TBC1D8B: variants seen among roughly 807,000 people sequenced by gnomAD.
TBC1D8B encodes the protein RP11-321G1.1.
TBC1D8B carries 75 observed loss-of-function variants against 82.9 expected under a neutral mutation model. The ratio of observed to expected loss-of-function variants is 0.90; its 90% CI spans 0.75 to 1.10. TBC1D8B has a LOEUF of 1.10. Ranked by LOEUF, TBC1D8B falls within the 50% of genes least tolerant of loss-of-function variation. TBC1D8B has a pLI of 0.00. For missense variants in TBC1D8B, 794 were observed against 796.9 expected, an observed-to-expected ratio of 1.00 and a Z score of 0.04; for synonymous variants, 276 against 276.8, an observed-to-expected ratio of 1.00 and a Z score of 0.03.
In TBC1D8B at chrX:106,840,774, C is replaced by T. The variant is rs1322282118; in HGVS notation, c.1609C>T (p.Arg537Cys). 3.3e-6 allele frequency: 4 copies of T among 1,209,096 alleles called. No individual in the cohort carries two copies. Among genetic ancestry groups the T allele is most frequent in the Admixed American group, 2.2e-5 (1 of 45,674 alleles). ...LATEEIERDL[R>C]RSLPEHPAFQ... ...TACTGAAGAAATTGAACGTGATTTA[C>T]GTCGCTCTCTGCCTGAGCACCCAGC... The change falls in exon 10 of 21, where the codon CGT (arginine) becomes TGT (cysteine). Residue 537 changes from arginine to cysteine, a missense_variant. By Grantham distance (180) the Arg-to-Cys change is radical (BLOSUM62 -3). Coordinates refer to ENST00000357242, the MANE Select transcript of TBC1D8B (RefSeq NM_017752.3).
At chrX:106,832,103 T>G (rs1602418382) in intron 7 of TBC1D8B, among the ~76,000 whole-genome samples, 1 of 111,378 alleles carries the variant, frequency 9.0e-6, no homozygotes, top group African/African-American at 3.2e-5. Flanking sequence ...ATAAACCTGG[T>G]GACTTTTGTA....
intron 1 of TBC1D8B, among the ~76,000 whole-genome samples, chrX:106,810,622 A>G (rs1454417906): frequency 8.9e-6 from 1 of 112,035 alleles, no homozygotes; most frequent in Non-Finnish European, 1.9e-5. Flanking sequence ...AGCCAGAACA[A>G]TTAAGTAAGA....
chrX:106,802,934 G>A lies in TBC1D8B; in HGVS notation c.81G>A (p.Val27=), dbSNP rs376459991. The A allele has an allele frequency of 1.7e-5, 21 of 1,209,323 alleles. No individual in the cohort carries two copies. Among genetic ancestry groups the A allele is most frequent in the Non-Finnish European group, 2.2e-5 (20 of 894,931 alleles). ...TGGAAAGGTCCAACGACTACTTCGT[G>A]CTGCAGCGGCGTCGGGGCTACGGGG... ...WLMERSNDYF[V]LQRRRGYGEE... The change falls in exon 1 of 21, where the codon GTG becomes GTA. Residue 27 remains valine (V), a synonymous_variant. Transcript: ENST00000357242.
intron 1 of TBC1D8B, 94 bp downstream of exon 1, chrX:106,803,077 G>C (rs942499984): frequency 3.0e-6 from 3 of 1,010,095 alleles, no homozygotes; most frequent in Non-Finnish European, 3.9e-6. Flanking sequence ...CCAGTTTCCC[G>C]ATCCTAAATC....
chrX:106,865,405 TATA>T (rs1178813794), intron 14 of TBC1D8B, 151 bp from the exon 15 acceptor site: 6 of 275,558 alleles, frequency 2.2e-5, no homozygotes, highest in African/African-American at 1.7e-4. Flanking sequence ...AACTTTATAA[TATA>T]ATAACTTATA....
chrX:106,848,165 A>G (rs1175960848), intron 10 of TBC1D8B, 21 bp from the exon 11 acceptor site: 14 of 1,089,191 alleles, frequency 1.3e-5, no homozygotes, highest in Non-Finnish European at 1.6e-5. Flanking sequence ...GCTTTTTAAT[A>G]CTGTTTTCTA....
intron 1 of TBC1D8B, chrX:106,814,781 T>A (rs1257959680): frequency 3.6e-5 from 4 of 112,255 alleles, no homozygotes; most frequent in Non-Finnish European, 7.5e-5. Context: ...TTGATTTGCA[T>A]TTCTCTGATG....
chrX:106,863,401 T>C (rs1328076779), intron 14 of TBC1D8B, among the ~76,000 whole-genome samples: 1 of 111,305 alleles, frequency 9.0e-6, no homozygotes, highest in African/African-American at 3.3e-5. Flanking sequence ...GCATTTCTTT[T>C]GTTGGGTGCT....
chrX:106,814,188 C>T (rs1322242114), intron 1 of TBC1D8B: 1 of 111,452 alleles, frequency 9.0e-6, no homozygotes, highest in African/African-American at 3.3e-5. Flanking sequence ...GACATGAACT[C>T]ATCATTTTTT....
In TBC1D8B at chrX:106,818,681, T is replaced by C; in HGVS notation, c.149T>C (p.Leu50Pro). 2 of 1,205,082 alleles carry C rather than the reference T, an allele frequency of 1.7e-6. No individual in the cohort carries two copies. The highest frequency in any genetic ancestry group is 2.2e-6 in the Non-Finnish European group (2 of 891,828). Reference sequence around the variant, plus strand: ...ACAACAGGGCTTCTGGTTGGGACTCTTGATTCAGTCTTGGACTCTACTGCT... The same window carrying C: ...ACAACAGGGCTTCTGGTTGGGACTCCTGATTCAGTCTTGGACTCTACTGCT... ...GGLTGLLVGT[L>P]DSVLDSTAKV... The change falls in exon 2 of 21, where the codon CTT becomes CCT. Residue 50 changes from leucine (L) to proline (P), a missense_variant. By Grantham distance (98) the Leu-to-Pro change is moderately conservative. Coordinates refer to ENST00000357242, the MANE Select transcript of TBC1D8B (RefSeq NM_017752.3).
In TBC1D8B at chrX:106,836,583, C is replaced by CTT. The variant is rs745688350; in HGVS notation, c.1204-2714_1204-2713dup. On this transcript the variant is annotated intron_variant, in intron 7 of 20. Coordinates refer to ENST00000357242, the MANE Select transcript of TBC1D8B (RefSeq NM_017752.3). ...GATGAACTTAAGTGAGTCTTTTCTTCTTTTTTTTTTTTAGCACTCCTAGTA... is the reference window on the plus strand; with the variant it reads ...GATGAACTTAAGTGAGTCTTTTCTTCTTTTTTTTTTTTTTAGCACTCCTAGTA... Among the ~76,000 whole-genome samples, 234 of 101,970 alleles carry CTT rather than the reference C, an allele frequency of 2.3e-3. 2 individuals carry two copies. The highest frequency in any genetic ancestry group is 8.0e-3 in the African/African-American group (227 of 28,334). 88.5% of individuals were successfully genotyped at this position (101,970 alleles called of 115,157 possible).
chrX:106,812,049 A>G (rs1171983575), intron 1 of TBC1D8B, among the ~76,000 whole-genome samples: 1 of 111,705 alleles, frequency 9.0e-6, no homozygotes, highest in African/African-American at 3.3e-5. Flanking sequence ...GAATGCAGGG[A>G]GAGAGAAAAC....
Position 106,830,712 on chromosome X carries a change from G to A in TBC1D8B, c.1203+3375G>A, listed in dbSNP as rs868610338. On this transcript the variant is annotated intron_variant, in intron 7 of 20. Coordinates refer to ENST00000357242, the MANE Select transcript of TBC1D8B (RefSeq NM_017752.3). Reference sequence around the variant, plus strand: ...TCGCAAGGACAAAAAACCAAACACCGCATATTCTCACTCATAGGTGGGAAT... The same window carrying A: ...TCGCAAGGACAAAAAACCAAACACCACATATTCTCACTCATAGGTGGGAAT... Among the ~76,000 whole-genome samples, 213 of 101,842 alleles carry A rather than the reference G, an allele frequency of 2.1e-3. 1 individual carries two copies. The highest frequency in any genetic ancestry group is 6.2e-3 in the African/African-American group (171 of 27,674). 88.4% of individuals were successfully genotyped at this position (101,842 alleles called of 115,157 possible).
At chrX:106,869,418 CATT>C (rs1932833530) in intron 18 of TBC1D8B, 64 bp from the exon 19 acceptor site, 5 of 986,931 alleles carry the variant, frequency 5.1e-6, no homozygotes, top group Middle Eastern at 5.6e-4. Context: ...CTATATGAAA[CATT>C]ATTTTGCTTT....
intron 14 of TBC1D8B, among the ~76,000 whole-genome samples, chrX:106,856,293 T>G (rs1051196907): frequency 9.0e-6 from 1 of 111,281 alleles, no homozygotes; most frequent in Non-Finnish European, 1.9e-5. Flanking sequence ...AGTCTTATTA[T>G]TTCTTTCATT....
rs998081755 is a variant in TBC1D8B, at chrX:106,875,908, A to T, written c.*1943A>T. On this transcript the variant is annotated 3_prime_UTR_variant, in exon 21 of 21. Coordinates refer to ENST00000357242, the MANE Select transcript of TBC1D8B (RefSeq NM_017752.3). ...GAAAGAGATTTTTTGAGTTGCAAAA[A>T]GTTTATAAATGCAAAGCAAAAAGAA... 3 of 112,565 alleles carry T rather than the reference A, an allele frequency of 2.7e-5. No homozygotes were observed. The highest frequency in any genetic ancestry group is 2.8e-4 in the East Asian group (1 of 3,588). The allele number at this position is 112,565 out of a possible 1,213,427, so 9.3% of individuals were successfully genotyped here.
chrX:106,844,340 TTTC>T (rs1326163653), intron 10 of TBC1D8B, among the ~76,000 whole-genome samples: 4 of 109,177 alleles, frequency 3.7e-5, no homozygotes, highest in Non-Finnish European at 5.7e-5. Context: ...TAACTGTGGG[TTTC>T]TTGTAGATCA....
rs370597027 is a variant in TBC1D8B, at chrX:106,873,561, G to A, written c.2968-9G>A. ...TTCAAACGTGATATTTTCAACTTGT[G>A]TCTTCTAGTCTCAGTTTATTCAGTT... On this transcript the variant is annotated splice_polypyrimidine_tract_variant and intron_variant, in intron 20 of 20. Coordinates refer to ENST00000357242, the MANE Select transcript of TBC1D8B (RefSeq NM_017752.3). 5 of 1,176,969 alleles carry A rather than the reference G, an allele frequency of 4.2e-6. No individual in the cohort carries two copies. The African/African-American group carries it at 7.2e-5, about 17-fold the overall frequency.
intron 20 of TBC1D8B, among the ~76,000 whole-genome samples, chrX:106,872,924 T>G (rs1294945408): frequency 9.0e-6 from 1 of 111,189 alleles, no homozygotes; most frequent in East Asian, 2.8e-4. Flanking sequence ...GAGCTATGAT[T>G]GCACCATGGT....
Sources: allele counts gnomAD v4.1 joint callset (sites outside exome capture counted in the v4.1 genomes callset), GRCh38; gene constraint gnomAD v4.1.1; transcripts MANE v1.5; gene names NCBI Gene and HGNC (gene_info 2026-07-23, HGNC 2026-07-21).